Variants in AJUBA observed in about 807,000 individuals in gnomAD.
The protein encoded by AJUBA is LIM domain-containing protein ajuba.
A neutral mutation model predicts 53.3 loss-of-function variants in AJUBA; 20 were observed. The observed-to-expected ratio is 0.38, with a 90% confidence interval of 0.26 to 0.55. AJUBA has a LOEUF of 0.55. Ranked by LOEUF, AJUBA falls within the 20% of genes least tolerant of loss-of-function variation. The pLI, the probability that AJUBA is intolerant of heterozygous loss-of-function variation, is 0.80. For synonymous variants in AJUBA, 296 were observed against 306.2 expected (o/e 0.97, Z 0.35); for missense variants, 580 against 730.5 (o/e 0.79, Z 2.38).
At position 22,976,521 on chromosome 14, in the gene AJUBA, A is replaced by G. The variant is rs781179626; in HGVS notation, c.1177-3T>C. ...GCTGCCTCCTGAAACCCTGAAAACTAAAGTAAAAGACAAGACGAACGGAGG... is the reference window on the plus strand; with the variant it reads ...GCTGCCTCCTGAAACCCTGAAAACTGAAGTAAAAGACAAGACGAACGGAGG... On this transcript the variant is annotated splice_polypyrimidine_tract_variant and splice_region_variant and intron_variant, in intron 3 of 7. Coordinates refer to ENST00000262713, the MANE Select transcript of AJUBA (RefSeq NM_032876.6). 5.6e-5 allele frequency: 90 copies of G among 1,614,172 alleles called. No individual in the cohort carries two copies. The Middle Eastern group carries it at 6.6e-4, about 12-fold the overall frequency.
chr14:22,976,585 G>A (rs930508049), intron 3 of AJUBA, 60 bp downstream of exon 3: 2 of 1,611,054 alleles, frequency 1.2e-6, no homozygotes, highest in African/African-American at 1.3e-5. Flanking sequence ...TACTCCAATG[G>A]GCCACCAAGA....
Position 22,981,279 on chromosome 14 carries a change from C to T in AJUBA, c.988G>A (p.Ala330Thr). ...CACTCACCGAAGTAGTCCTCCCTGGCCTCTGGCTCCCGCATCCGGGCCCGG... is the reference window on the plus strand; with the variant it reads ...CACTCACCGAAGTAGTCCTCCCTGGTCTCTGGCTCCCGCATCCGGGCCCGG... ...AARARMREPE[A>T]REDYFGTCIK... The change falls in exon 1 of 8, where the codon GCC becomes ACC. Residue 330 changes from alanine (A) to threonine (T), a missense_variant. Transcript: ENST00000262713. 1 of 1,610,266 alleles carries T rather than the reference C, an allele frequency of 6.2e-7. No homozygotes were observed. The highest frequency in any genetic ancestry group is 8.5e-7 in the Non-Finnish European group (1 of 1,177,696).
In AJUBA at chr14:22,974,945, C is replaced by T. The variant is rs2045020861; in HGVS notation, c.1370+29G>A. On this transcript the variant is annotated intron_variant, in intron 5 of 7. Transcript: ENST00000262713. ...GGCTGGGGAATCCCTGGACCCAGTT[C>T]CACACTGCATCCCAAGGGGCAGACT... 3 of 1,613,774 alleles carry T rather than the reference C, an allele frequency of 1.9e-6. No individual in the cohort carries two copies. The South Asian group carries it at 3.3e-5, about 18-fold the overall frequency.
At position 22,982,419 on chromosome 14, in the gene AJUBA, G is replaced by A; in HGVS notation, c.-153C>T. On this transcript the variant is annotated 5_prime_UTR_variant, in exon 1 of 8. Transcript: ENST00000262713. ...GGGCGGCCTGGATGCCCTGCGCCAGGAATCCCACAGCATCCCCCAGCGGGA... is the reference window on the plus strand; with the variant it reads ...GGGCGGCCTGGATGCCCTGCGCCAGAAATCCCACAGCATCCCCCAGCGGGA... 6.9e-7 allele frequency: 1 copy of A among 1,446,438 alleles called. No homozygotes were observed. 89.6% of individuals were successfully genotyped at this position (1,446,438 alleles called of 1,614,324 possible).
In AJUBA at chr14:22,981,453, C is replaced by T. The variant is rs2045093530; in HGVS notation, c.814G>A (p.Val272Met). ...HSVTGYGDCA[V>M]GARYQDELTA... ...AGCTCGTCCTGGTACCGGGCGCCCA[C>T]GGCGCAGTCCCCGTAGCCGGTCACA... Residue 272 changes from valine to methionine, a missense_variant, in exon 1 of 8, where the codon GTG becomes ATG. Physicochemically the swap from Val to Met is conservative, Grantham distance 21 (BLOSUM62 1). Around this residue, in one of 2 missense-constraint regions of AJUBA, gnomAD observed 430 missense variants for 471.5 expected, o/e 0.91. Coordinates refer to ENST00000262713, the MANE Select transcript of AJUBA (RefSeq NM_032876.6). 1.9e-6 allele frequency: 3 copies of T among 1,609,832 alleles called. No homozygotes were observed. Among genetic ancestry groups the T allele is most frequent in the African/African-American group, 1.3e-5 (1 of 75,036 alleles).
Position 22,981,756 on chromosome 14 carries a change from G to T in AJUBA, c.511C>A (p.Gln171Lys). The change falls in exon 1 of 8, where the codon CAG becomes AAG. Residue 171 changes from glutamine to lysine, a missense_variant. By Grantham distance (53) the Gln-to-Lys change is moderately conservative. Around this residue, in one of 2 missense-constraint regions of AJUBA, gnomAD observed 430 missense variants for 471.5 expected, o/e 0.91. Transcript: ENST00000262713. ...GCTGGCAAGGGGCTCCCGTGGCGCT[G>T]GTCGTAGCCCATGCTGATGCCGCTG... ...RTSGISMGYD[Q>K]RHGSPLPAGP... 2.0e-6 allele frequency: 3 copies of T among 1,534,766 alleles called. No homozygotes were observed. The highest frequency in any genetic ancestry group is 2.6e-6 in the Non-Finnish European group (3 of 1,146,058).
At position 22,982,119 on chromosome 14, in the gene AJUBA, G is replaced by C; in HGVS notation, c.148C>G (p.Arg50Gly). Residue 50 changes from arginine to glycine, a missense_variant, in exon 1 of 8, where the codon CGA becomes GGA. Arg to Gly is a moderately radical substitution (Grantham distance 125). Coordinates refer to ENST00000262713, the MANE Select transcript of AJUBA (RefSeq NM_032876.6). The stretch of plus-strand genomic sequence containing the variant: ...TCCCCAGGTCCCCCAGTAGCTCCTC[G>C]GGGCCCTGACTTCCTAGGTCCCCCC... ...GLGGPRKSGPRGATGGPGDEP... is the reference protein window; with the variant it reads ...GLGGPRKSGPGGATGGPGDEP... 1 of 1,601,642 alleles carries C rather than the reference G, an allele frequency of 6.2e-7. No individual in the cohort carries two copies. Among genetic ancestry groups the C allele is most frequent in the Non-Finnish European group, 8.5e-7 (1 of 1,175,066 alleles).
intron 2 of AJUBA, chr14:22,976,998 C>T: frequency 1.5e-6 from 2 of 1,317,076 alleles, no homozygotes; most frequent in Non-Finnish European, 1.9e-6. Flanking sequence ...CCTTCCTCTC[C>T]AGTGCATAGG....
rs754693248 is a variant in AJUBA at position 22,981,636 on chromosome 14, G to C, written c.631C>G (p.Leu211Val). The change falls in exon 1 of 8, where the codon CTG becomes GTG. Residue 211 changes from leucine (L) to valine (V), a missense_variant. By Grantham distance (32) the Leu-to-Val change is conservative. Around this residue, in one of 2 missense-constraint regions of AJUBA, gnomAD observed 430 missense variants for 471.5 expected, o/e 0.91. Coordinates refer to ENST00000262713, the MANE Select transcript of AJUBA (RefSeq NM_032876.6). ...GGCCGCTGAGCGTACAATCGGTCCAGGGCGGCGTGGAGCTCCGGGTAGGCG... is the reference window on the plus strand; with the variant it reads ...GGCCGCTGAGCGTACAATCGGTCCACGGCGGCGTGGAGCTCCGGGTAGGCG... ...PSAYPELHAA[L>V]DRLYAQRPAG... 3 of 1,520,768 alleles carry C rather than the reference G, an allele frequency of 2.0e-6. No individual in the cohort carries two copies. The South Asian group carries it at 3.7e-5, about 19-fold the overall frequency. 94.2% of individuals were successfully genotyped at this position (1,520,768 alleles called of 1,614,324 possible).
chr14:22,974,539 C>A, intron 6 of AJUBA: 1 of 461,996 alleles, frequency 2.2e-6, no homozygotes, highest in Non-Finnish European at 3.9e-6. Flanking sequence ...GCTGAGGATT[C>A]TTCCCACCTT....
intron 4 of AJUBA, among the ~76,000 whole-genome samples, chr14:22,976,148 CAAAAAAA>C: frequency 1.2e-5 from 1 of 83,402 alleles, no homozygotes; most frequent in African/African-American, 4.5e-5. Context: ...GACTCTGTCT[CAAAAAAA>C]AAAAAAAAAA....
At position 22,971,800 on chromosome 14, in the gene AJUBA, A is replaced by T. The variant is rs368443909; in HGVS notation, c.*1643T>A. On this transcript the variant is annotated 3_prime_UTR_variant, in exon 8 of 8. Coordinates refer to ENST00000262713, the MANE Select transcript of AJUBA (RefSeq NM_032876.6). The stretch of plus-strand genomic sequence containing the variant: ...GGAATATTGGATTAAGAAACAAAAA[A>T]ATGATACACAAAATGTCTGTACCAA... 6.6e-6 allele frequency: 1 copy of T among 152,262 alleles called. No individual in the cohort carries two copies. Among genetic ancestry groups the T allele is most frequent in the Non-Finnish European group, 1.5e-5 (1 of 68,038 alleles). The allele number at this position is 152,262 out of a possible 1,614,324, so 9.4% of individuals were successfully genotyped here.
At chr14:22,973,994 C>T in intron 7 of AJUBA, 53 bp downstream of exon 7, 4 of 1,604,808 alleles carry the variant, frequency 2.5e-6, no homozygotes, top group Non-Finnish European at 3.4e-6. Flanking sequence ...CTTGACTCCT[C>T]CCCTCTCCCC....
chr14:22,973,900 A>G, intron 7 of AJUBA, 147 bp downstream of exon 7: 2 of 993,474 alleles, frequency 2.0e-6, no homozygotes. Flanking sequence ...CTGGAGGACA[A>G]AAAAGAGACT....
Position 22,981,822 on chromosome 14 carries a change from C to G in AJUBA, c.445G>C (p.Ala149Pro), listed in dbSNP as rs766300149. 6.5e-6 allele frequency: 10 copies of G among 1,533,594 alleles called. No homozygotes were observed. The African/African-American group carries it at 9.6e-5, about 15-fold the overall frequency. 95.0% of individuals were successfully genotyped at this position (1,533,594 alleles called of 1,614,324 possible). A position where few individuals can be genotyped will look rare whatever the true frequency, so the allele number is the denominator to read the frequency against. Residue 149 changes from alanine to proline, a missense_variant, in exon 1 of 8, where the codon GCT (alanine) becomes CCT (proline). Physicochemically the swap from Ala to Pro is conservative, Grantham distance 27 (BLOSUM62 -1). This residue lies in a region of AJUBA where 430 missense variants were observed against 471.5 expected (regional missense o/e 0.91). Coordinates refer to ENST00000262713, the MANE Select transcript of AJUBA (RefSeq NM_032876.6). ...GGCCGGCTACCTCCAGCTCCGCCAG[C>G]CCCCGCCCCGTCCAGCAGCAGGCTG... The part of the protein sequence containing the change: ...RGSLLLDGAG[A>P]GGAGGSRPCS...
chr14:22,973,498 T>C lies in AJUBA; in HGVS notation c.1562A>G (p.His521Arg), dbSNP rs1427708548. The C allele has an allele frequency of 2.5e-6, 4 of 1,614,126 alleles. No homozygotes were observed. Among genetic ancestry groups the C allele is most frequent in the Non-Finnish European group, 3.4e-6 (4 of 1,180,012 alleles). The change falls in exon 8 of 8, where the codon CAT becomes CGT. Residue 521 changes from histidine to arginine, a missense_variant. By Grantham distance (29) the His-to-Arg change is conservative. Coordinates refer to ENST00000262713, the MANE Select transcript of AJUBA (RefSeq NM_032876.6). ...ATTGAGCCGCTGCATGTGGCAACCA[T>C]GGCAGAGCAAGTGCCCATCCAGAGG... Reference protein sequence around the residue: ...CFPLDGHLLCHGCHMQRLNAR... With the variant: ...CFPLDGHLLCRGCHMQRLNAR...
intron 1 of AJUBA, chr14:22,978,973 G>C: frequency 7.8e-7 from 1 of 1,289,144 alleles, no homozygotes; most frequent in Non-Finnish European, 1.0e-6. Flanking sequence ...GACTTCCAAG[G>C]ATGGAGAAAA....
At chr14:22,980,181 G>C (rs1331889851) in intron 1 of AJUBA, among the ~76,000 whole-genome samples, 2 of 152,188 alleles carry the variant, frequency 1.3e-5, no homozygotes, top group Non-Finnish European at 2.9e-5. Flanking sequence ...GCTTAGAAAA[G>C]TGAAAGAGGC....
chr14:22,981,414 G>T lies in AJUBA; in HGVS notation c.853C>A (p.Arg285Ser). ...CGCCCACCGGTGCCCACCGTCAGGC[G>T]AAGCAAAGCTGTTAGCTCGTCCTGG... is the stretch of plus-strand genomic sequence containing the variant. ...RYQDELTALL[R>S]LTVGTGGREA... The change falls in exon 1 of 8, where the codon CGC becomes AGC. Residue 285 changes from arginine (R) to serine (S), a missense_variant. This residue lies in a region of AJUBA where 430 missense variants were observed against 471.5 expected (regional missense o/e 0.91). Coordinates refer to ENST00000262713, the MANE Select transcript of AJUBA (RefSeq NM_032876.6). 6.2e-7 allele frequency: 1 copy of T among 1,612,458 alleles called. No homozygotes were observed. Among genetic ancestry groups the T allele is most frequent in the East Asian group, 2.2e-5 (1 of 44,860 alleles).
Sources: allele counts gnomAD v4.1 joint callset (sites outside exome capture counted in the v4.1 genomes callset), GRCh38; gene constraint gnomAD v4.1.1; regional missense constraint gnomAD v4.1.1; transcripts MANE v1.5; gene names NCBI Gene and HGNC (gene_info 2026-07-23, HGNC 2026-07-21).